The following DGKG variants were observed in gnomAD, a reference collection of about 807,000 sequenced individuals.
DGKG encodes the protein diacylglycerol kinase gamma, also known as DAG kinase gamma.
A neutral mutation model predicts 105.3 loss-of-function variants in DGKG; 78 were observed. That is an observed-to-expected ratio of 0.74 (90% CI 0.62 to 0.89). The LOEUF is 0.89. Ranked by LOEUF, DGKG falls within the 40% of genes least tolerant of loss-of-function variation. The pLI, the probability that DGKG is intolerant of heterozygous loss-of-function variation, is 0.00. For synonymous variants in DGKG, 346 were observed against 367.1 expected (o/e 0.94, Z 0.66); for missense variants, 958 against 1,020.1 (o/e 0.94, Z 0.83).
chr3:186,202,777 A>G (rs149215070), intron 21 of DGKG, among the ~76,000 whole-genome samples: 9 of 152,324 alleles, frequency 5.9e-5, no homozygotes, highest in Admixed American at 1.3e-4. Context: ...TTGACCCCCA[A>G]CTTTGGTCTT....
At chr3:186,347,448 CA>C (rs576239325) in intron 1 of DGKG, among the ~76,000 whole-genome samples, 8,583 of 51,540 alleles carry the variant, frequency 0.17, 74 homozygotes, top group African/African-American at 0.22. Context: ...GACTCAGTCT[CA>C]AAAAAAAAAA....
At chr3:186,244,304 G>C (rs1338581948) in intron 19 of DGKG, among the ~76,000 whole-genome samples, 1 of 152,158 alleles carries the variant, frequency 6.6e-6, no homozygotes, top group Non-Finnish European at 1.5e-5. Flanking sequence ...ACATCTGAAA[G>C]GTGGCAGGGC....
chr3:186,297,556 C>G, intron 4 of DGKG, 73 bp from the exon 5 acceptor site: 1 of 1,030,792 alleles, frequency 9.7e-7, no homozygotes, highest in Non-Finnish European at 1.5e-6. Context: ...TACAGGACAT[C>G]CCCATGGGAC....
intron 1 of DGKG, among the ~76,000 whole-genome samples, chr3:186,336,499 T>C (rs1282914027): frequency 1.3e-5 from 2 of 151,950 alleles, no homozygotes; most frequent in Admixed American, 6.6e-5. Context: ...GAAAACAAGG[T>C]AGATGAAAAC....
intron 22 of DGKG, among the ~76,000 whole-genome samples, chr3:186,168,719 G>C (rs774142799): frequency 2.0e-5 from 3 of 152,002 alleles, no homozygotes; most frequent in Non-Finnish European, 4.4e-5. Context: ...GTGTGGTGGT[G>C]GGTGCCTGTA....
chr3:186,232,639 C>T (rs911194080), intron 20 of DGKG, among the ~76,000 whole-genome samples: 1 of 151,898 alleles, frequency 6.6e-6, no homozygotes, highest in Non-Finnish European at 1.5e-5. Context: ...CTGAACTTTC[C>T]AAATTATTTA....
intron 17 of DGKG, among the ~76,000 whole-genome samples, chr3:186,257,124 G>T (rs1332968790): frequency 1.3e-5 from 2 of 152,216 alleles, no homozygotes; most frequent in African/African-American, 4.8e-5. Context: ...TCAGGGCCCA[G>T]TCTCTGACTT....
At chr3:186,193,531 C>A (rs2108504716) in intron 21 of DGKG, among the ~76,000 whole-genome samples, 1 of 152,374 alleles carries the variant, frequency 6.6e-6, no homozygotes, top group Admixed American at 6.5e-5. Flanking sequence ...TTGGCCCGAC[C>A]CAGGCTGGTA....
chr3:186,300,496 CCATGGAATTGTTCTGTTTTGGTTCTCTT>C (rs1723871092), intron 3 of DGKG, among the ~76,000 whole-genome samples: 2 of 152,170 alleles, frequency 1.3e-5, no homozygotes, highest in African/African-American at 4.8e-5. Flanking sequence ...TCTCTATTTT[CCATGGAATTGTTCTGTTTTGGTTCTCTT>C]CATTCTCTAC....
Position 186,147,799 on chromosome 3 carries a change from C to A in DGKG, c.*2291G>T. Reference sequence around the variant, plus strand: ...TGTAAATGTCTTAGAATCAGTGACCCCAAACCTGAACCTGCCTCAGTTTCA... The same window carrying A: ...TGTAAATGTCTTAGAATCAGTGACCACAAACCTGAACCTGCCTCAGTTTCA... On this transcript the variant is annotated 3_prime_UTR_variant, in exon 25 of 25. Transcript: ENST00000265022. 1 of 985,366 alleles carries A rather than the reference C, an allele frequency of 1.0e-6. No individual in the cohort carries two copies. Among genetic ancestry groups the A allele is most frequent in the South Asian group, 4.7e-5 (1 of 21,268 alleles). 61.0% of individuals were successfully genotyped at this position (985,366 alleles called of 1,614,324 possible).
chr3:186,222,271 G>C (rs1719621393), intron 20 of DGKG, among the ~76,000 whole-genome samples: 1 of 152,178 alleles, frequency 6.6e-6, no homozygotes, highest in Admixed American at 6.5e-5. Context: ...TTTCCCCATA[G>C]AAACAATGTG....
At chr3:186,166,054 G>C (rs1716526917) in intron 22 of DGKG, among the ~76,000 whole-genome samples, 1 of 152,106 alleles carries the variant, frequency 6.6e-6, no homozygotes, top group South Asian at 2.1e-4. Context: ...AGTGCCTCCT[G>C]GTATAGTATA....
At chr3:186,212,921 A>T (rs1461532493) in intron 20 of DGKG, among the ~76,000 whole-genome samples, 1 of 152,204 alleles carries the variant, frequency 6.6e-6, no homozygotes, top group Admixed American at 6.5e-5. Flanking sequence ...AGGTTTGCAG[A>T]TGAAGGGGAA....
intron 9 of DGKG, 158 bp downstream of exon 9, chr3:186,279,693 T>A: frequency 1.5e-6 from 1 of 684,066 alleles, no homozygotes; most frequent in Non-Finnish European, 2.4e-6. Context: ...CAGGCACTAA[T>A]GGATACAAAA....
intron 14 of DGKG, among the ~76,000 whole-genome samples, chr3:186,264,693 G>T (rs1007397005): frequency 1.3e-5 from 2 of 152,322 alleles, no homozygotes; most frequent in East Asian, 3.9e-4. Flanking sequence ...GGCAGAGCAG[G>T]AGGCCCCGGT....
At chr3:186,268,717 TG>T in intron 12 of DGKG, 83 bp downstream of exon 12, 1 of 983,006 alleles carries the variant, frequency 1.0e-6, no homozygotes, top group Non-Finnish European at 1.6e-6. Flanking sequence ...TCATGCCCTC[TG>T]GCCGGATATT....
intron 20 of DGKG, among the ~76,000 whole-genome samples, chr3:186,215,216 G>T (rs142976065): frequency 1.6e-4 from 24 of 152,134 alleles, no homozygotes; most frequent in South Asian, 2.1e-4. Context: ...TTCGAGACCC[G>T]CCTGGCCAAC....
chr3:186,323,764 G>A (rs557738081), intron 1 of DGKG, among the ~76,000 whole-genome samples: 43 of 151,968 alleles, frequency 2.8e-4, no homozygotes, highest in African/African-American at 1.0e-3. Flanking sequence ...GTGAAACCCC[G>A]TCTCTACTAA....
chr3:186,297,787 T>C (rs1723659130), intron 4 of DGKG, among the ~76,000 whole-genome samples: 1 of 152,138 alleles, frequency 6.6e-6, no homozygotes, highest in South Asian at 2.1e-4. Context: ...AAGGCTCTCT[T>C]CCCCCACCAT....
Sources: allele counts gnomAD v4.1 joint callset (sites outside exome capture counted in the v4.1 genomes callset), GRCh38; gene constraint gnomAD v4.1.1; transcripts MANE v1.5; gene names NCBI Gene and HGNC (gene_info 2026-07-23, HGNC 2026-07-21).